Variants in OXCT1 observed in about 807,000 individuals in gnomAD.
OXCT1 encodes the protein 3-oxoacid CoA-transferase 1.
In OXCT1, 27 loss-of-function variants were observed where a neutral mutation model predicts 69.6. That is an observed-to-expected ratio of 0.39 (90% CI 0.29 to 0.54). The LOEUF is 0.54. Ranked by LOEUF, OXCT1 falls within the 20% of genes least tolerant of loss-of-function variation. The probability of loss-of-function intolerance (pLI) is 0.72; values close to 1 mark genes in which losing one functional copy is unlikely to be tolerated. For synonymous variants in OXCT1, 202 were observed against 217.8 expected (o/e 0.93, Z 0.64); for missense variants, 437 against 650.2 (o/e 0.67, Z 3.57).
chr5:41,787,767 C>G (rs1191084286), intron 13 of OXCT1, among the ~76,000 whole-genome samples: 1 of 151,258 alleles, frequency 6.6e-6, no homozygotes. Context: ...AAAACTTTCT[C>G]AGTAGTGGGG....
chr5:41,832,658 C>A (rs940097924), intron 7 of OXCT1, among the ~76,000 whole-genome samples: 2 of 151,974 alleles, frequency 1.3e-5, no homozygotes, highest in African/African-American at 2.4e-5. Context: ...CATGACCTCA[C>A]CAAACAAAAT....
At chr5:41,814,656 A>G in intron 7 of OXCT1, among the ~76,000 whole-genome samples, 1 of 144,960 alleles carries the variant, frequency 6.9e-6, no homozygotes, top group African/African-American at 2.6e-5. Flanking sequence ...ATTCTCACTC[A>G]TAGGTGGGAA....
chr5:41,791,524 C>T (rs370041475), intron 13 of OXCT1, among the ~76,000 whole-genome samples: 3 of 152,340 alleles, frequency 2.0e-5, no homozygotes, highest in African/African-American at 7.2e-5. Context: ...CAAATAACTA[C>T]ATAGTGTACA....
chr5:41,846,918 T>A (rs1201650954), intron 5 of OXCT1, among the ~76,000 whole-genome samples: 1 of 152,350 alleles, frequency 6.6e-6, no homozygotes, highest in South Asian at 2.1e-4. Context: ...TTTGGCTGCA[T>A]AAATGTCTTC....
At position 41,842,694 on chromosome 5, in the gene OXCT1, C is replaced by T. The variant is rs993672440; in HGVS notation, c.652G>A (p.Ala218Thr). Residue 218 changes from alanine to threonine, a missense_variant, in exon 6 of 17, where the codon GCA becomes ACA. By Grantham distance (58) the Ala-to-Thr change is moderately conservative. Transcript: ENST00000196371. ...CAATACCTGAAAATCACGTTTCCTG[C>T]TCGGTCCGCCTTCCAGGCTTTCACC... ...ALVKAWKADR[A>T]GNVIFRKSAR... 6.2e-6 allele frequency: 10 copies of T among 1,612,946 alleles called. No homozygotes were observed. The highest frequency in any genetic ancestry group is 8.5e-6 in the Non-Finnish European group (10 of 1,178,900).
chr5:41,813,094 C>T (rs776846518), intron 7 of OXCT1, among the ~76,000 whole-genome samples: 2 of 152,012 alleles, frequency 1.3e-5, no homozygotes, highest in Non-Finnish European at 2.9e-5. Flanking sequence ...CAGGCTAGAA[C>T]ATAAGTGGGC....
chr5:41,850,673 A>AG (rs1374768024), intron 4 of OXCT1, among the ~76,000 whole-genome samples: 1 of 152,088 alleles, frequency 6.6e-6, no homozygotes, highest in Non-Finnish European at 1.5e-5. Context: ...AAATCGTCTA[A>AG]GAAAAAAAAC....
At chr5:41,824,912 G>T (rs944385299) in intron 7 of OXCT1, among the ~76,000 whole-genome samples, 5 of 152,162 alleles carry the variant, frequency 3.3e-5, no homozygotes, top group African/African-American at 1.2e-4. Context: ...GTCTGTGTCG[G>T]CAAAGCTTTT....
chr5:41,776,045 A>G (rs1377599813), intron 13 of OXCT1, among the ~76,000 whole-genome samples: 1 of 152,186 alleles, frequency 6.6e-6, no homozygotes, highest in Non-Finnish European at 1.5e-5. Context: ...TCACCAAGTG[A>G]TAAAGATTAT....
In OXCT1 at chr5:41,738,214, A is replaced by C. The variant is rs79467324; in HGVS notation, c.1521+1176T>G. ...ATTAACATATTTTCTTCTCATTATA[A>C]ATATATTTCATTTTAATTAGATTGG... On this transcript the variant is annotated intron_variant, in intron 16 of 16. Transcript: ENST00000196371. Among the ~76,000 whole-genome samples, 591 of 152,274 alleles carry C rather than the reference A, an allele frequency of 3.9e-3. 2 individuals carry two copies. The highest frequency in any genetic ancestry group is 0.014 in the African/African-American group (571 of 41,550).
intron 15 of OXCT1, among the ~76,000 whole-genome samples, chr5:41,745,481 G>A (rs1314893063): frequency 4.6e-5 from 7 of 152,006 alleles, no homozygotes; most frequent in Non-Finnish European, 5.9e-5. Flanking sequence ...CTAACATCAC[G>A]ATTAAAAGAA....
intron 7 of OXCT1, among the ~76,000 whole-genome samples, chr5:41,810,712 T>A (rs1211847019): frequency 6.6e-6 from 1 of 152,080 alleles, no homozygotes; most frequent in African/African-American, 2.4e-5. Flanking sequence ...TTGGTGACAA[T>A]GTGTTTGTGA....
rs1467751234 is a variant in OXCT1, at chr5:41,838,013, A to T, written c.732+2438T>A. On this transcript the variant is annotated intron_variant, in intron 7 of 16. Transcript: ENST00000196371. Reference sequence around the variant, plus strand: ...GTAGCTAACATTATTGGCATTTTGCATGCAGAAGAATATGCAGTTAACTTA... The same window carrying T: ...GTAGCTAACATTATTGGCATTTTGCTTGCAGAAGAATATGCAGTTAACTTA... 2.6e-5 allele frequency among the ~76,000 whole-genome samples: 4 copies of T among 152,362 alleles called. No homozygotes were observed. The East Asian group carries it at 7.7e-4, about 29-fold the overall frequency.
chr5:41,795,256 C>T (rs532411329), intron 11 of OXCT1, among the ~76,000 whole-genome samples: 1 of 152,266 alleles, frequency 6.6e-6, no homozygotes, highest in Admixed American at 6.5e-5. Flanking sequence ...GATGGTAATG[C>T]TCGTTTGCTC....
intron 5 of OXCT1, among the ~76,000 whole-genome samples, chr5:41,846,454 C>T (rs1224727410): frequency 2.0e-5 from 3 of 149,134 alleles, no homozygotes; most frequent in African/African-American, 5.0e-5. Flanking sequence ...CTACAAAGGA[C>T]ATGAACTCAT....
intron 3 of OXCT1, among the ~76,000 whole-genome samples, chr5:41,857,546 G>A (rs1227071972): frequency 6.6e-6 from 1 of 152,190 alleles, no homozygotes; most frequent in Non-Finnish European, 1.5e-5. Context: ...GCACCATCAA[G>A]AGGATGTGGG....
At chr5:41,859,889 A>AT (rs1491189806) in intron 3 of OXCT1, among the ~76,000 whole-genome samples, 118 of 88,316 alleles carry the variant, frequency 1.3e-3, no homozygotes, top group South Asian at 3.3e-3. Flanking sequence ...ATATATATGT[A>AT]ATATATATAT....
At chr5:41,755,144 T>C (rs1743996764) in intron 14 of OXCT1, among the ~76,000 whole-genome samples, 1 of 152,048 alleles carries the variant, frequency 6.6e-6, no homozygotes, top group African/African-American at 2.4e-5. Context: ...AGTTTTCCTT[T>C]TTATTTTAGA....
rs1322267802 is a variant in OXCT1 at position 41,759,101 on chromosome 5, A to C, written c.1338+3010T>G. ...TGTCCAGGGAAAATGAAAAAAAAAA[A>C]AAAAAACCTGAAGCTTCCTGAAAGG... is the stretch of plus-strand genomic sequence containing the variant. On this transcript the variant is annotated intron_variant, in intron 14 of 16. Transcript: ENST00000196371. 2.6e-5 allele frequency among the ~76,000 whole-genome samples: 4 copies of C among 151,802 alleles called. No homozygotes were observed. In the East Asian group the frequency reaches 7.7e-4, roughly 29 times the overall value.
Sources: allele counts gnomAD v4.1 joint callset (sites outside exome capture counted in the v4.1 genomes callset), GRCh38; gene constraint gnomAD v4.1.1; transcripts MANE v1.5; gene names NCBI Gene and HGNC (gene_info 2026-07-23, HGNC 2026-07-21).